The following SLC11A1 variants were observed in gnomAD, a reference collection of about 807,000 sequenced individuals.
The protein encoded by SLC11A1 is solute carrier family 11 member 1.
SLC11A1 carries 59 observed loss-of-function variants against 63.2 expected under a neutral mutation model. That is an observed-to-expected ratio of 0.93 (90% CI 0.76 to 1.16). The LOEUF (loss-of-function observed/expected upper bound fraction) is 1.16, where lower values mean the gene tolerates loss of function less well. Among genes scored for constraint, SLC11A1 ranks in the 50% most tolerant of loss-of-function variants. The pLI is 0.00. For missense variants in SLC11A1, 688 were observed against 730.7 expected (o/e 0.94, Z 0.67); for synonymous variants, 305 against 307.8 (o/e 0.99, Z 0.09).
intron 7 of SLC11A1, 54 bp downstream of exon 7, chr2:218,387,686 C>T: frequency 3.1e-6 from 5 of 1,612,582 alleles, no homozygotes; most frequent in Non-Finnish European, 4.2e-6. Context: ...CATTCCTCTC[C>T]CTTCCCTCTG....
In SLC11A1 at chr2:218,384,458, T is replaced by A; in HGVS notation, c.273+93T>A. On this transcript the variant is annotated intron_variant, in intron 3 of 14. Coordinates refer to ENST00000233202, the MANE Select transcript of SLC11A1 (RefSeq NM_000578.4). The surrounding 1 kb of genome is among the most constrained non-coding windows in gnomAD (Gnocchi z 4.0). The stretch of plus-strand genomic sequence containing the variant: ...CCCTGCTGGCCATGTTTCTCCAATG[T>A]GGCCTGGGAGCTGGTGTTAAGTTCA... 6.9e-7 allele frequency: 1 copy of A among 1,459,360 alleles called. No homozygotes were observed. The highest frequency in any genetic ancestry group is 1.3e-5 in the South Asian group (1 of 75,354). 90.4% of individuals were successfully genotyped at this position (1,459,360 alleles called of 1,614,324 possible).
At chr2:218,393,521 G>A (rs1696578516) in intron 12 of SLC11A1, among the ~76,000 whole-genome samples, 2 of 147,090 alleles carry the variant, frequency 1.4e-5, no homozygotes, top group South Asian at 4.3e-4. Flanking sequence ...TTGTTACCCA[G>A]GCTAGAGTGC....
At chr2:218,387,496 C>T in intron 6 of SLC11A1, 69 bp from the exon 7 acceptor site, 1 of 1,489,108 alleles carries the variant, frequency 6.7e-7, no homozygotes, top group East Asian at 2.3e-5. Context: ...GTAGTATTAG[C>T]CATTACGAAT....
At chr2:218,388,027 G>A in intron 8 of SLC11A1, 72 bp downstream of exon 8, 2 of 1,454,530 alleles carry the variant, frequency 1.4e-6, no homozygotes, top group Non-Finnish European at 1.8e-6. Flanking sequence ...TCCAAGCCTG[G>A]AGCCCCTCCC....
rs764513928 is a variant in SLC11A1 at position 218,395,020 on chromosome 2, G to C, written c.1638G>C (p.Gly546=). The C allele has an allele frequency of 1.1e-5, 18 of 1,605,104 alleles. No individual in the cohort carries two copies. In the East Asian group the frequency reaches 4.0e-4, roughly 36 times the overall value. The change falls in exon 15 of 15, where the codon GGG becomes GGC. Residue 546 remains glycine, a synonymous_variant. Coordinates refer to ENST00000233202, the MANE Select transcript of SLC11A1 (RefSeq NM_000578.4). ...LYGLLEEDQK[G]ETSG The stretch of plus-strand genomic sequence containing the variant: ...GGCTCCTTGAAGAGGACCAGAAAGG[G>C]GAGACCTCTGGCTAGGCCCACACCA...
intron 3 of SLC11A1, 141 bp from the exon 4 acceptor site, chr2:218,385,006 G>A: frequency 9.2e-7 from 1 of 1,089,258 alleles, no homozygotes; most frequent in Non-Finnish European, 1.3e-6. Context: ...TACAGGGTGA[G>A]CTACCAGCGC....
At chr2:218,388,263 G>A (rs971184349) in intron 8 of SLC11A1, 1 of 290,440 alleles carries the variant, frequency 3.4e-6, no homozygotes, top group African/African-American at 2.3e-5. Flanking sequence ...AGCGGCTCGG[G>A]AGGCTGAGGC....
At chr2:218,387,747 C>T (rs1208839783) in intron 7 of SLC11A1, 53 bp from the exon 8 acceptor site, 86 of 1,611,704 alleles carry the variant, frequency 5.3e-5, no homozygotes, top group Non-Finnish European at 6.5e-5. Flanking sequence ...AAATGGTGAC[C>T]GCGGCGTGGT....
Position 218,393,109 on chromosome 2 carries a change from C to G in SLC11A1, c.1293C>G (p.Leu431=). ...ACTTGTCGGGCCTCAATGATCTGCT[C>G]AACGTGCTGCAGAGCCTGCTGGTGA... ...LRDLSGLNDL[L]NVLQSLLLPF... Residue 431 remains leucine (L), a synonymous_variant, in exon 12 of 15, where the codon CTC becomes CTG. Transcript: ENST00000233202. 6.3e-7 allele frequency: 1 copy of G among 1,586,014 alleles called. No homozygotes were observed. Among genetic ancestry groups the G allele is most frequent in the Non-Finnish European group, 8.5e-7 (1 of 1,171,674 alleles).
intron 4 of SLC11A1, among the ~76,000 whole-genome samples, chr2:218,386,320 C>T (rs1169503855): frequency 6.6e-6 from 1 of 152,106 alleles, no homozygotes; most frequent in African/African-American, 2.4e-5. Flanking sequence ...GGCATGGTGG[C>T]ACATGCCTGT....
At position 218,396,408 on chromosome 2, in the gene SLC11A1, G is replaced by A. The variant is rs915465937; in HGVS notation, c.*1373G>A. The A allele has an allele frequency of 6.6e-6, 1 of 152,438 alleles. No individual in the cohort carries two copies. Among genetic ancestry groups the A allele is most frequent in the Non-Finnish European group, 1.5e-5 (1 of 68,092 alleles). The allele number at this position is 152,438 out of a possible 1,614,324, so 9.4% of individuals were successfully genotyped here. A position where few individuals can be genotyped will look rare whatever the true frequency, so the allele number is the denominator to read the frequency against. On this transcript the variant is annotated 3_prime_UTR_variant, in exon 15 of 15. Coordinates refer to ENST00000233202, the MANE Select transcript of SLC11A1 (RefSeq NM_000578.4). The stretch of plus-strand genomic sequence containing the variant: ...CTGCGGAGGGCCGCAGCGAGGAGAG[G>A]CCAACAGGCCTTTCCCTAGAGTTGA...
At chr2:218,389,520 CTCCAGTCTGGGTG>C (rs1331861693) in intron 8 of SLC11A1, among the ~76,000 whole-genome samples, 2 of 152,100 alleles carry the variant, frequency 1.3e-5, no homozygotes, top group African/African-American at 4.8e-5. Context: ...CACCACGGCA[CTCCAGTCTGGGTG>C]ACAGAACAAA....
intron 8 of SLC11A1, among the ~76,000 whole-genome samples, chr2:218,388,694 C>CT (rs1483514764): frequency 2.6e-5 from 4 of 151,992 alleles, no homozygotes; most frequent in Admixed American, 6.6e-5. Flanking sequence ...CCCAGCTACT[C>CT]GGGAGGCTGA....
At position 218,387,817 on chromosome 2, in the gene SLC11A1, T is replaced by C; in HGVS notation, c.657T>C (p.Pro219=). The C allele has an allele frequency of 6.2e-7, 1 of 1,607,070 alleles. No individual in the cohort carries two copies. Among genetic ancestry groups the C allele is most frequent in the Non-Finnish European group, 8.5e-7 (1 of 1,176,918 alleles). ...TFGYEYVVAR[P]EQGALLRGLF... ...CCCTGCAGTATGTGGTGGCGCGTCC[T>C]GAGCAGGGAGCGCTTCTTCGGGGCC... The change falls in exon 8 of 15, where the codon CCT becomes CCC. Residue 219 remains proline, a synonymous_variant. Transcript: ENST00000233202.
intron 4 of SLC11A1, among the ~76,000 whole-genome samples, chr2:218,385,893 C>T (rs1395961946): frequency 6.6e-6 from 1 of 152,108 alleles, no homozygotes; most frequent in African/African-American, 2.4e-5. Context: ...TGTGAGTGTC[C>T]AGTTTGGAAA....
At chr2:218,392,036 G>A (rs868473156) in intron 11 of SLC11A1, 14 of 355,750 alleles carry the variant, frequency 3.9e-5, no homozygotes, top group South Asian at 1.4e-4. Flanking sequence ...GATTATAGGC[G>A]TGAGCCACTG....
At position 218,395,318 on chromosome 2, in the gene SLC11A1, T is replaced by A; in HGVS notation, c.*283T>A. 7 of 358,582 alleles carry A rather than the reference T, an allele frequency of 2.0e-5. No individual in the cohort carries two copies. The highest frequency in any genetic ancestry group is 2.1e-5 in the Non-Finnish European group (4 of 193,238). 22.2% of individuals were successfully genotyped at this position (358,582 alleles called of 1,614,324 possible). ...CAAAAACAAACAAACGAAAAACATT[T>A]CAAAAGGTATTTATTGAGCACCTGC... On this transcript the variant is annotated 3_prime_UTR_variant, in exon 15 of 15. Transcript: ENST00000233202.
rs1416225319 is a variant in SLC11A1 at position 218,386,659 on chromosome 2, A to G, written c.418A>G (p.Thr140Ala). 2 of 1,613,966 alleles carry G rather than the reference A, an allele frequency of 1.2e-6. No individual in the cohort carries two copies. The highest frequency in any genetic ancestry group is 1.7e-6 in the Non-Finnish European group (2 of 1,179,948). ...PKVPRTVLWL[T>A]IELAIVGSDM... ...GGTGCCCCGCACCGTCCTCTGGCTG[A>G]CCATCGAGCTAGCCATTGTGGGCTC... The change falls in exon 5 of 15, where the codon ACC becomes GCC. Residue 140 changes from threonine (T) to alanine (A), a missense_variant. Thr to Ala is a moderately conservative substitution (Grantham distance 58, BLOSUM62 0). Transcript: ENST00000233202.
In SLC11A1 at chr2:218,394,289, A is replaced by G. The variant is rs111648439; in HGVS notation, c.1388+96A>G. 3.7e-4 allele frequency: 469 copies of G among 1,272,472 alleles called. 3 individuals carry two copies. In the African/African-American group the frequency reaches 6.1e-3, roughly 17 times the overall value. 78.8% of individuals were successfully genotyped at this position (1,272,472 alleles called of 1,614,324 possible). A position where few individuals can be genotyped will look rare whatever the true frequency, so the allele number is the denominator to read the frequency against. On this transcript the variant is annotated intron_variant, in intron 13 of 14. Coordinates refer to ENST00000233202, the MANE Select transcript of SLC11A1 (RefSeq NM_000578.4). ...AGCTACAATTCTCCCCATTATCCCAATGAAGCCACAGAGGCTGAGAGAGGT... is the reference window on the plus strand; with the variant it reads ...AGCTACAATTCTCCCCATTATCCCAGTGAAGCCACAGAGGCTGAGAGAGGT...
Sources: allele counts gnomAD v4.1 joint callset (sites outside exome capture counted in the v4.1 genomes callset), GRCh38; gene constraint gnomAD v4.1.1; non-coding constraint Gnocchi (gnomAD v3.1); transcripts MANE v1.5; gene names NCBI Gene and HGNC (gene_info 2026-07-23, HGNC 2026-07-21).